GRXCR2: variants seen among roughly 807,000 people sequenced by gnomAD.
GRXCR2 encodes glutaredoxin and cysteine rich domain containing 2.
A neutral mutation model predicts 24.8 loss-of-function variants in GRXCR2; 23 were observed. That is an observed-to-expected ratio of 0.93 (90% CI 0.67 to 1.32). The LOEUF (loss-of-function observed/expected upper bound fraction) is 1.32. GRXCR2 is among the 40% of genes most tolerant of loss of function. The probability of loss-of-function intolerance (pLI) is 0.00; values close to 1 mark genes in which losing one functional copy is unlikely to be tolerated. For missense variants in GRXCR2, 315 were observed against 303.4 expected, an observed-to-expected ratio of 1.04 and a Z score of -0.28; for synonymous variants, 130 against 116.1, an observed-to-expected ratio of 1.12 and a Z score of -0.77.
At chr5:145,884,568 T>C (rs183261538) in intron 2 of GRXCR2, among the ~76,000 whole-genome samples, 8 of 152,116 alleles carry the variant, frequency 5.3e-5, no homozygotes, top group Admixed American at 2.0e-4. Context: ...AAAAAGTTTA[T>C]CCCCTCAATA....
chr5:145,916,219 G>C (rs1757236433), intron 2 of GRXCR2, among the ~76,000 whole-genome samples: 2 of 152,294 alleles, frequency 1.3e-5, no homozygotes, highest in East Asian at 3.9e-4. Flanking sequence ...CTGTACGTGT[G>C]TCTGTCATCG....
intron 2 of GRXCR2, among the ~76,000 whole-genome samples, chr5:145,906,953 T>C (rs549273619): frequency 2.9e-4 from 44 of 152,274 alleles, no homozygotes; most frequent in Non-Finnish European, 5.1e-4. Flanking sequence ...GAGAAGGGAC[T>C]TGCAGTTGGT....
intron 2 of GRXCR2, among the ~76,000 whole-genome samples, chr5:145,865,323 C>T (rs1338143843): frequency 6.6e-6 from 1 of 152,108 alleles, no homozygotes; most frequent in Non-Finnish European, 1.5e-5. Flanking sequence ...TTGCTTCCTC[C>T]ACCCCCAACC....
In GRXCR2 at chr5:145,866,495, A is replaced by G. The variant is rs546249529; in HGVS notation, c.564+6T>C. ...CCGAGCAGGACAGTCAAGCTCCCCAACGCACCTGTGTATACCGGTTTTGGG... is the reference window on the plus strand; with the variant it reads ...CCGAGCAGGACAGTCAAGCTCCCCAGCGCACCTGTGTATACCGGTTTTGGG... On this transcript the variant is annotated splice_donor_region_variant and intron_variant, in intron 2 of 2. Transcript: ENST00000377976. 257 of 1,609,532 alleles carry G rather than the reference A, an allele frequency of 1.6e-4. 3 individuals carry two copies. In the South Asian group the frequency reaches 2.7e-3, roughly 17 times the overall value.
intron 2 of GRXCR2, among the ~76,000 whole-genome samples, chr5:145,884,817 C>G (rs1253241784): frequency 2.6e-5 from 4 of 152,122 alleles, no homozygotes; most frequent in African/African-American, 4.8e-5. Context: ...TGCATTTTCA[C>G]TTAGACCCTA....
At chr5:145,909,771 A>G (rs1021462948) in intron 2 of GRXCR2, among the ~76,000 whole-genome samples, 3 of 152,116 alleles carry the variant, frequency 2.0e-5, no homozygotes, top group Admixed American at 6.6e-5. Flanking sequence ...ACCTCATTTT[A>G]CTTCTCTTAT....
At chr5:145,883,414 C>T (rs1756732527) in intron 2 of GRXCR2, among the ~76,000 whole-genome samples, 1 of 152,106 alleles carries the variant, frequency 6.6e-6, no homozygotes, top group Non-Finnish European at 1.5e-5. Flanking sequence ...CTTAAATCCT[C>T]AACATTTTGC....
chr5:145,870,022 T>A (rs890810760), intron 1 of GRXCR2, among the ~76,000 whole-genome samples: 3 of 152,136 alleles, frequency 2.0e-5, no homozygotes, highest in Non-Finnish European at 4.4e-5. Flanking sequence ...GTTTGACAGG[T>A]ATCAAAGTCC....
intron 2 of GRXCR2, among the ~76,000 whole-genome samples, chr5:145,885,529 T>C (rs551533341): frequency 2.0e-5 from 3 of 152,312 alleles, no homozygotes; most frequent in African/African-American, 7.2e-5. Context: ...AAGTAAGATA[T>C]TTTCTCAAAG....
At chr5:145,927,407 A>G (rs1218653248) in intron 2 of GRXCR2, among the ~76,000 whole-genome samples, 1 of 152,222 alleles carries the variant, frequency 6.6e-6, no homozygotes, top group Non-Finnish European at 1.5e-5. Context: ...TGTCCCATCA[A>G]TAACTAATTT....
Position 145,884,347 on chromosome 5 carries a change from G to A in GRXCR2, c.-69-17619C>T, listed in dbSNP as rs190396775. On this transcript the variant is annotated intron_variant, in intron 2 of 3. Transcript: ENST00000639411. ...AGCATTCTAGATTTAAAGAGAATAAGGAAACATAACCACGTGCAGTATATC... is the reference window on the plus strand; with the variant it reads ...AGCATTCTAGATTTAAAGAGAATAAAGAAACATAACCACGTGCAGTATATC... 9.9e-5 allele frequency among the ~76,000 whole-genome samples: 15 copies of A among 152,120 alleles called. No individual in the cohort carries two copies. In the East Asian group the frequency reaches 2.9e-3, roughly 29 times the overall value.
intron 1 of GRXCR2, 21 bp downstream of exon 1, chr5:145,872,612 T>TATGCC: frequency 6.4e-7 from 1 of 1,554,700 alleles, no homozygotes; most frequent in Admixed American, 1.9e-5. Context: ...TTAAAGCCTA[T>TATGCC]ATGCCATGCA....
chr5:145,917,930 C>T (rs905594232), intron 2 of GRXCR2, among the ~76,000 whole-genome samples: 3 of 152,186 alleles, frequency 2.0e-5, no homozygotes, highest in Non-Finnish European at 4.4e-5. Flanking sequence ...CAGGTGCCCA[C>T]CACCATGCAC....
At chr5:145,909,825 A>G (rs1757140307) in intron 2 of GRXCR2, among the ~76,000 whole-genome samples, 2 of 152,280 alleles carry the variant, frequency 1.3e-5, no homozygotes, top group South Asian at 4.1e-4. Flanking sequence ...TCCATCAGAA[A>G]ACAATCAAAA....
rs528258183 is a variant in GRXCR2, at chr5:145,894,541, C to G, written c.-69-27813G>C. Reference sequence around the variant, plus strand: ...TAAACTAGAAAATCTAGAAGAAATGCATAAATTCCTGGACACATACACCCT... The same window carrying G: ...TAAACTAGAAAATCTAGAAGAAATGGATAAATTCCTGGACACATACACCCT... On this transcript the variant is annotated intron_variant, in intron 2 of 3. Coordinates refer to the GRXCR2 transcript ENST00000639411. Among the ~76,000 whole-genome samples the G allele has an allele frequency of 1.5e-3, 233 of 152,122 alleles. 1 individual carries two copies. Among genetic ancestry groups the G allele is most frequent in the Admixed American group, 2.6e-3 (40 of 15,260 alleles).
chr5:145,878,884 G>A (rs182675240), intron 2 of GRXCR2, among the ~76,000 whole-genome samples: 49 of 152,280 alleles, frequency 3.2e-4, no homozygotes, highest in African/African-American at 1.1e-3. Context: ...GAGAGTGGGG[G>A]CCAATATTCA....
chr5:145,929,199 C>CTATATATATATA (rs72283862), intron 2 of GRXCR2, among the ~76,000 whole-genome samples: 1,440 of 116,358 alleles, frequency 0.012, 40 homozygotes, highest in African/African-American at 0.02. Flanking sequence ...ATATTCCCCC[C>CTATATATATATA]TATATATATA....
At chr5:145,864,609 A>G (rs1327428025) in intron 2 of GRXCR2, among the ~76,000 whole-genome samples, 1 of 152,024 alleles carries the variant, frequency 6.6e-6, no homozygotes, top group Non-Finnish European at 1.5e-5. Flanking sequence ...AAAGCATGGC[A>G]CTTTCTCAAG....
intron 2 of GRXCR2, among the ~76,000 whole-genome samples, chr5:145,918,727 C>A (rs1184325350): frequency 6.6e-6 from 1 of 152,164 alleles, no homozygotes; most frequent in Admixed American, 6.5e-5. Flanking sequence ...GGATTTCCCC[C>A]CATCTAGAGG....
Sources: allele counts gnomAD v4.1 joint callset (sites outside exome capture counted in the v4.1 genomes callset), GRCh38; gene constraint gnomAD v4.1.1; transcripts MANE v1.5; gene names NCBI Gene and HGNC (gene_info 2026-07-23, HGNC 2026-07-21).